SULT1A1: variants seen among roughly 807,000 people sequenced by gnomAD.
The protein encoded by SULT1A1 is sulfotransferase 1A1.
SULT1A1 carries 35 observed loss-of-function variants against 36.8 expected under a neutral mutation model. The ratio of observed to expected loss-of-function variants is 0.95; its 90% CI spans 0.73 to 1.26. The LOEUF (loss-of-function observed/expected upper bound fraction) is 1.26, where lower values mean the gene tolerates loss of function less well. Ranked by LOEUF, SULT1A1 falls within the 50% of genes most tolerant of loss-of-function variation. The pLI is 0.00. For missense variants in SULT1A1, 309 were observed against 383.0 expected (o/e 0.81, Z 1.61); for synonymous variants, 119 against 146.0 (o/e 0.82, Z 1.33).
chr16:28,606,287 A>G, intron 6 of SULT1A1, 51 bp from the exon 7 acceptor site: 2 of 1,611,310 alleles, frequency 1.2e-6, no homozygotes, highest in Non-Finnish European at 1.7e-6. Context: ...GATTCAGGAA[A>G]AGTAAAAGGG....
chr16:28,605,557 C>T lies in SULT1A1; in HGVS notation c.*264G>A, dbSNP rs1336386299. 3.4e-6 allele frequency: 2 copies of T among 595,956 alleles called. No individual in the cohort carries two copies. Among genetic ancestry groups the T allele is most frequent in the African/African-American group, 3.6e-5 (2 of 55,370 alleles). The allele number at this position is 595,956 out of a possible 1,614,324, so 36.9% of individuals were successfully genotyped here. ...AAATTGCTGGGATTACAGGCATGAG[C>T]CACTCTGCCTGGCCCACAATCATAT... On this transcript the variant is annotated 3_prime_UTR_variant, in exon 8 of 8. Transcript: ENST00000314752.
Position 28,609,277 on chromosome 16 carries a change from C to T in SULT1A1, c.-4-418G>A, listed in dbSNP as rs2047354772. On this transcript the variant is annotated intron_variant, in intron 1 of 7. Coordinates refer to ENST00000314752, the MANE Select transcript of SULT1A1 (RefSeq NM_001055.4). ...TTCCTGCTGGGACCCCCAGCCTCCA[C>T]CCAGTGGAGATGCTCCCCTCCTTGA... The T allele has an allele frequency of 7.1e-5, 90 of 1,259,548 alleles. 3 individuals are homozygous for T. The South Asian group carries it at 1.2e-3, about 16-fold the overall frequency. The allele number at this position is 1,259,548 out of a possible 1,614,324, so 78.0% of individuals were successfully genotyped here.
chr16:28,606,633 A>ATG, intron 6 of SULT1A1, 128 bp downstream of exon 6: 1 of 1,435,158 alleles, frequency 7.0e-7, no homozygotes, highest in Middle Eastern at 2.5e-4. Context: ...TGGGCCAAGA[A>ATG]GGCAGGATGG....
chr16:28,608,430 A>C (rs2047308909), intron 3 of SULT1A1, 42 bp from the exon 4 acceptor site: 1 of 1,612,330 alleles, frequency 6.2e-7, no homozygotes, highest in African/African-American at 1.3e-5. Flanking sequence ...CTGAAGCCCC[A>C]GCCCTGTCTT....
chr16:28,609,837 G>A lies in SULT1A1; in HGVS notation c.-5+94C>T, dbSNP rs2047377091. The A allele has an allele frequency of 3.5e-5, 41 of 1,171,904 alleles. No homozygotes were observed. In the South Asian group the frequency reaches 5.4e-4, roughly 15 times the overall value. The allele number at this position is 1,171,904 out of a possible 1,614,324, so 72.6% of individuals were successfully genotyped here. On this transcript the variant is annotated intron_variant, in intron 1 of 7. Coordinates refer to ENST00000314752, the MANE Select transcript of SULT1A1 (RefSeq NM_001055.4). ...CTGAAATGGGATATCCATGGGGAAA[G>A]GGCAGGGATGCCAGAGGCCTCAGCT...
intron 6 of SULT1A1, 82 bp downstream of exon 6, chr16:28,606,679 G>C: frequency 1.9e-6 from 3 of 1,572,310 alleles, no homozygotes; most frequent in Non-Finnish European, 8.7e-7. Context: ...GCCCAGGGAG[G>C]GGGCTGGGTG....
At chr16:28,606,440 C>A (rs1174556682) in intron 6 of SULT1A1, among the ~76,000 whole-genome samples, 1 of 151,900 alleles carries the variant, frequency 6.6e-6, no homozygotes, top group African/African-American at 2.4e-5. Context: ...CTGGGCTTGG[C>A]TCCTATGGGT....
At chr16:28,609,255 C>T (rs1479021563) in intron 1 of SULT1A1, 1 of 1,252,226 alleles carries the variant, frequency 8.0e-7, no homozygotes, top group African/African-American at 1.5e-5. Context: ...TCACCACTTC[C>T]TGCTGGGACC....
At chr16:28,621,231 C>T (rs2047647460) in intron 1 of SULT1A1, among the ~76,000 whole-genome samples, 1 of 151,558 alleles carries the variant, frequency 6.6e-6, no homozygotes, top group Admixed American at 6.6e-5. Flanking sequence ...TCTGTGATCC[C>T]AGCACTTTGG....
chr16:28,619,065 G>A (rs1420329531), intron 2 of SULT1A1, among the ~76,000 whole-genome samples: 1 of 152,040 alleles, frequency 6.6e-6, no homozygotes, highest in African/African-American at 2.4e-5. Flanking sequence ...GCCCAGGCTG[G>A]AGTGCAGTGG....
rs774857892 is a variant in SULT1A1, at chr16:28,620,117, CT to C, written c.83del (p.Gln28ArgfsTer10). 2.8e-5 allele frequency: 45 copies of C among 1,612,976 alleles called. No individual in the cohort carries two copies. The highest frequency in any genetic ancestry group is 3.7e-5 in the Non-Finnish European group (44 of 1,179,658). On this transcript the variant is annotated frameshift_variant, in exon 2 of 6. Coordinates refer to the SULT1A1 transcript ENST00000350842. LOFTEE classifies it high-confidence loss of function. ...GGTCCAAAAATATGTCATCCTTTCC[CT>C]GGAGAATGCTCATACCTATTTGCAA...
At position 28,605,677 on chromosome 16, in the gene SULT1A1, A is replaced by C. The variant is rs1346208654; in HGVS notation, c.*144T>G. ...GGTTGGTCTCGAACTCCTGGGCTCA[A>C]ATGATCCTCCCACCTCAGCCTCCAA... On this transcript the variant is annotated 3_prime_UTR_variant, in exon 8 of 8. Transcript: ENST00000314752. The C allele has an allele frequency of 7.0e-7, 1 of 1,423,982 alleles. No individual in the cohort carries two copies. 88.2% of individuals were successfully genotyped at this position (1,423,982 alleles called of 1,614,324 possible). A position where few individuals can be genotyped will look rare whatever the true frequency, so the allele number is the denominator to read the frequency against.
At chr16:28,620,675 T>C (rs1485283975) in intron 1 of SULT1A1, among the ~76,000 whole-genome samples, 1 of 151,872 alleles carries the variant, frequency 6.6e-6, no homozygotes, top group Non-Finnish European at 1.5e-5. Flanking sequence ...AGCAGAACAA[T>C]TATTTTTTCA....
At position 28,617,635 on chromosome 16, in the gene SULT1A1, G is replaced by A. The variant is rs190537847; in HGVS notation, c.138+2428C>T. The stretch of plus-strand genomic sequence containing the variant: ...CAGCTCACTGCAACCTCCGCCTCCC[G>A]GGTTCCAGCAATTGTCCTGCCTCAG... On this transcript the variant is annotated intron_variant, in intron 2 of 5. Transcript: ENST00000350842. Among the ~76,000 whole-genome samples the A allele has an allele frequency of 2.4e-3, 372 of 151,854 alleles. 3 individuals carry two copies. The highest frequency in any genetic ancestry group is 8.4e-3 in the African/African-American group (346 of 41,382).
intron 1 of SULT1A1, chr16:28,609,453 A>G: frequency 8.1e-7 from 1 of 1,237,004 alleles, no homozygotes; most frequent in South Asian, 1.2e-5. Flanking sequence ...GGGAATGAAC[A>G]AAACTCTGAT....
Position 28,609,282 on chromosome 16 carries a change from T to A in SULT1A1, c.-4-423A>T. 13 of 1,259,164 alleles carry A rather than the reference T, an allele frequency of 1.0e-5. 1 individual carries two copies. Among genetic ancestry groups the A allele is most frequent in the Non-Finnish European group, 1.3e-5 (13 of 977,576 alleles). The allele number at this position is 1,259,164 out of a possible 1,614,324, so 78.0% of individuals were successfully genotyped here. On this transcript the variant is annotated intron_variant, in intron 1 of 7. Transcript: ENST00000314752. Reference sequence around the variant, plus strand: ...GCTGGGACCCCCAGCCTCCACCCAGTGGAGATGCTCCCCTCCTTGAGCCCC... The same window carrying A: ...GCTGGGACCCCCAGCCTCCACCCAGAGGAGATGCTCCCCTCCTTGAGCCCC...
At chr16:28,616,628 G>A (rs1179986407) in intron 2 of SULT1A1, among the ~76,000 whole-genome samples, 3 of 151,944 alleles carry the variant, frequency 2.0e-5, no homozygotes, top group African/African-American at 7.3e-5. Flanking sequence ...TTGCTATGTT[G>A]CCCAAGCTGG....
At position 28,608,864 on chromosome 16, in the gene SULT1A1, G is replaced by A. The variant is rs771277239; in HGVS notation, c.-4-5C>T. 137 of 1,611,324 alleles carry A rather than the reference G, an allele frequency of 8.5e-5. 2 individuals are homozygous for A. The highest frequency in any genetic ancestry group is 4.1e-4 in the African/African-American group (31 of 74,944). ...TCCTGGATCAGCTCCATGTTCCTGC[G>A]TCAGGGGCCAGAGCCAGGCCCGTTC... On this transcript the variant is annotated splice_polypyrimidine_tract_variant and splice_region_variant and intron_variant, in intron 1 of 7. Transcript: ENST00000314752.
chr16:28,607,381 G>T (rs115865204), intron 4 of SULT1A1: 6,012 of 416,498 alleles, frequency 0.014, 306 homozygotes, highest in African/African-American at 0.11. Flanking sequence ...GGCCTGTGAG[G>T]ACCCACCCTC....
Sources: allele counts gnomAD v4.1 joint callset (sites outside exome capture counted in the v4.1 genomes callset), GRCh38; gene constraint gnomAD v4.1.1; transcripts MANE v1.5; gene names NCBI Gene and HGNC (gene_info 2026-07-23, HGNC 2026-07-21).